GRID1: variants seen among roughly 807,000 people sequenced by gnomAD.
GRID1 encodes glutamate ionotropic receptor delta type subunit 1, also known as glutamate receptor ionotropic, delta-1.
A neutral mutation model predicts 98.0 loss-of-function variants in GRID1; 28 were observed. The ratio of observed to expected loss-of-function variants is 0.29; its 90% CI spans 0.21 to 0.39. The LOEUF is 0.39. Among genes scored for constraint, GRID1 ranks in the 10% least tolerant of loss-of-function variants. The pLI, the probability that GRID1 is intolerant of heterozygous loss-of-function variation, is 1.00. For synonymous variants in GRID1, 553 were observed against 538.5 expected, an observed-to-expected ratio of 1.03 and a Z score of -0.37; for missense variants, 1,111 against 1,340.5, an observed-to-expected ratio of 0.83 and a Z score of 2.67.
At chr10:85,903,500 G>T (rs1255632632) in intron 5 of GRID1, among the ~76,000 whole-genome samples, 1 of 152,000 alleles carries the variant, frequency 6.6e-6, no homozygotes, top group Non-Finnish European at 1.5e-5. Context: ...CTGATAAATA[G>T]TTTATTTCAT....
chr10:86,141,395 G>A (rs191970207), intron 3 of GRID1, among the ~76,000 whole-genome samples: 2 of 152,306 alleles, frequency 1.3e-5, no homozygotes, highest in African/African-American at 2.4e-5. Context: ...CAAGTGTGCA[G>A]AGATGGCTCA....
chr10:85,621,265 C>T (rs1245853633), intron 13 of GRID1, among the ~76,000 whole-genome samples: 2 of 152,108 alleles, frequency 1.3e-5, no homozygotes, highest in Non-Finnish European at 2.9e-5. Flanking sequence ...ATGATGGGGG[C>T]CTCATTATGG....
At chr10:86,299,014 G>T (rs1847638444) in intron 2 of GRID1, among the ~76,000 whole-genome samples, 1 of 152,044 alleles carries the variant, frequency 6.6e-6, no homozygotes, top group Non-Finnish European at 1.5e-5. Flanking sequence ...GGCACTGGGG[G>T]TAGTTCCATG....
At chr10:86,295,148 G>A (rs1047873149) in intron 2 of GRID1, among the ~76,000 whole-genome samples, 6 of 152,204 alleles carry the variant, frequency 3.9e-5, no homozygotes, top group African/African-American at 9.7e-5. Context: ...CAAGAGCTTC[G>A]CTGTAAGTGG....
At chr10:85,720,183 GATA>G (rs1273372698) in intron 12 of GRID1, among the ~76,000 whole-genome samples, 1 of 152,126 alleles carries the variant, frequency 6.6e-6, no homozygotes, top group Non-Finnish European at 1.5e-5. Flanking sequence ...TAGAGTCACT[GATA>G]CTTTGTTATT....
intron 2 of GRID1, among the ~76,000 whole-genome samples, chr10:86,221,848 G>A (rs1428471974): frequency 6.6e-6 from 1 of 152,110 alleles, no homozygotes; most frequent in African/African-American, 2.4e-5. Flanking sequence ...GCCACAGGGA[G>A]GATGCAGCCA....
intron 4 of GRID1, among the ~76,000 whole-genome samples, chr10:85,962,165 G>C (rs1054351231): frequency 1.6e-4 from 25 of 152,184 alleles, no homozygotes; most frequent in East Asian, 9.7e-4. Flanking sequence ...TGTGCTCATG[G>C]TGCAAGGGTC....
At chr10:85,779,151 G>A (rs1842359796) in intron 8 of GRID1, among the ~76,000 whole-genome samples, 3 of 152,220 alleles carry the variant, frequency 2.0e-5, no homozygotes, top group African/African-American at 7.2e-5. Flanking sequence ...AAAAAGCTCT[G>A]CTGCCTGTCA....
In GRID1 at chr10:85,707,150, G is replaced by C. The variant is rs141329756; in HGVS notation, c.1997+15853C>G. Among the ~76,000 whole-genome samples, 620 of 152,166 alleles carry C rather than the reference G, an allele frequency of 4.1e-3. 3 individuals carry two copies. Among genetic ancestry groups the C allele is most frequent in the African/African-American group, 0.014 (579 of 41,520 alleles). The stretch of plus-strand genomic sequence containing the variant: ...ACTAAATAGCTTCTGCACAGCAAAA[G>C]AAACTACCATCAGAGTGAACAGGCA... On this transcript the variant is annotated intron_variant, in intron 12 of 15. Coordinates refer to ENST00000327946, the MANE Select transcript of GRID1 (RefSeq NM_017551.3).
At chr10:85,912,347 T>C (rs182300155) in intron 5 of GRID1, among the ~76,000 whole-genome samples, 3 of 152,364 alleles carry the variant, frequency 2.0e-5, no homozygotes, top group Admixed American at 6.5e-5. Flanking sequence ...CAGAGGCCTA[T>C]AGGAACTGTT....
Position 85,694,583 on chromosome 10 carries a change from T to G in GRID1, c.1997+28420A>C, listed in dbSNP as rs968458384. ...ATATATATATATATATATATATATA[T>G]ATATATATATATATATATAATGGAA... is the stretch of plus-strand genomic sequence containing the variant. On this transcript the variant is annotated intron_variant, in intron 12 of 15. Coordinates refer to ENST00000327946, the MANE Select transcript of GRID1 (RefSeq NM_017551.3). Among the ~76,000 whole-genome samples the G allele has an allele frequency of 1.4e-3, 98 of 72,068 alleles. 2 individuals carry two copies. The highest frequency in any genetic ancestry group is 6.8e-3 in the African/African-American group (93 of 13,648). The allele number at this position is 72,068 out of a possible 152,430, so 47.3% of individuals were successfully genotyped here. A position where few individuals can be genotyped will look rare whatever the true frequency, so the allele number is the denominator to read the frequency against.
chr10:86,231,341 A>G (rs1870162), intron 2 of GRID1, among the ~76,000 whole-genome samples: 9,453 of 152,122 alleles, frequency 0.062, 364 homozygotes, highest in Admixed American at 0.094. Context: ...ATCTCTGCAC[A>G]CTCAGGGCAC....
At chr10:85,947,873 C>G (rs1229338610) in intron 4 of GRID1, among the ~76,000 whole-genome samples, 1 of 152,196 alleles carries the variant, frequency 6.6e-6, no homozygotes, top group Non-Finnish European at 1.5e-5. Flanking sequence ...AGGAGAGCAT[C>G]TTGGATATGT....
chr10:86,168,610 C>CCCTTCT (rs1258894000), intron 3 of GRID1, among the ~76,000 whole-genome samples: 1 of 152,218 alleles, frequency 6.6e-6, no homozygotes, highest in Non-Finnish European at 1.5e-5. Context: ...TGAGGAGCTG[C>CCCTTCT]CCTTCTTCAC....
chr10:85,838,382 G>C (rs1207955817), intron 8 of GRID1, among the ~76,000 whole-genome samples: 1 of 152,002 alleles, frequency 6.6e-6, no homozygotes, highest in African/African-American at 2.4e-5. Flanking sequence ...AGGTTAAAAT[G>C]AAAGAAAAAA....
At chr10:86,299,666 C>A (rs1172446790) in intron 2 of GRID1, among the ~76,000 whole-genome samples, 1 of 152,090 alleles carries the variant, frequency 6.6e-6, no homozygotes, top group Non-Finnish European at 1.5e-5. Context: ...TAGCGCTTTG[C>A]CAATGTGGAT....
chr10:85,670,367 C>G (rs1254652448), intron 12 of GRID1, among the ~76,000 whole-genome samples: 3 of 152,150 alleles, frequency 2.0e-5, no homozygotes, highest in Admixed American at 6.5e-5. Context: ...CTGCCTGCCC[C>G]CTGAATGGGA....
At chr10:86,164,999 G>T (rs557262683) in intron 3 of GRID1, among the ~76,000 whole-genome samples, 18 of 152,298 alleles carry the variant, frequency 1.2e-4, no homozygotes, top group Admixed American at 3.9e-4. Context: ...ATGTTCAGTG[G>T]GGGGTAGGAA....
chr10:86,141,636 T>C (rs1423726122), intron 3 of GRID1, among the ~76,000 whole-genome samples: 3 of 152,194 alleles, frequency 2.0e-5, no homozygotes, highest in Non-Finnish European at 4.4e-5. Context: ...CCTCTAGCCA[T>C]ATATGGCCAT....
Sources: gnomAD v4.1 joint callset for allele counts (sites outside exome capture counted in the v4.1 genomes callset) on GRCh38, gnomAD v4.1.1 for gene constraint, MANE v1.5 for transcripts, NCBI Gene and HGNC (gene_info 2026-07-23, HGNC 2026-07-21) for gene names.